The following CHST9 variants were observed in gnomAD, a reference collection of about 807,000 sequenced individuals.
The protein encoded by CHST9 is GalNAc-4-sulfotransferase 2.
Under a neutral mutation model 44.4 loss-of-function variants are expected in CHST9, and 41 were observed. The observed-to-expected ratio is 0.92, with a 90% CI of 0.72 to 1.20. CHST9 has a LOEUF of 1.20. CHST9 is among the 50% of genes most tolerant of loss of function. The pLI, the probability that CHST9 is intolerant of heterozygous loss-of-function variation, is 0.00. For missense variants in CHST9, 504 were observed against 516.5 expected (o/e 0.98, Z 0.23); for synonymous variants, 171 against 178.4 (o/e 0.96, Z 0.33).
At chr18:27,135,781 G>A (rs906560888) in intron 2 of CHST9, among the ~76,000 whole-genome samples, 38 of 151,970 alleles carry the variant, frequency 2.5e-4, no homozygotes, top group African/African-American at 8.2e-4. Flanking sequence ...AGCAGCTGGT[G>A]AGAACCACTG....
At chr18:27,098,424 C>T (rs1371066935) in intron 2 of CHST9, among the ~76,000 whole-genome samples, 1 of 152,034 alleles carries the variant, frequency 6.6e-6, no homozygotes, top group African/African-American at 2.4e-5. Flanking sequence ...ACCAGAAATT[C>T]CATTTGACCC....
chr18:26,957,099 C>T (rs139485157), intron 4 of CHST9, among the ~76,000 whole-genome samples: 8 of 152,120 alleles, frequency 5.3e-5, no homozygotes, highest in Non-Finnish European at 7.3e-5. Flanking sequence ...CTGTATTTAT[C>T]GAGCGATGCC....
intron 3 of CHST9, among the ~76,000 whole-genome samples, chr18:27,041,953 C>T (rs1331709687): frequency 1.3e-5 from 2 of 151,922 alleles, no homozygotes; most frequent in Non-Finnish European, 2.9e-5. Context: ...AACCATAAAC[C>T]CAGAGAAAAT....
In CHST9 at chr18:27,025,050, TTA is replaced by T. The variant is rs138381029; in HGVS notation, c.161-895_161-894del. ...GGTTCCATTTCTTTCCTTTAAAACA[TTA>T]TATATATATATGTATATATATAATA... On this transcript the variant is annotated intron_variant, in intron 3 of 5. Coordinates refer to ENST00000618847, the MANE Select transcript of CHST9 (RefSeq NM_031422.6). Among the ~76,000 whole-genome samples, 1,348 of 147,382 alleles carry T rather than the reference TTA, an allele frequency of 9.1e-3. 88 individuals are homozygous for T. The highest frequency in any genetic ancestry group is 0.083 in the Admixed American group (1,212 of 14,626).
intron 2 of CHST9, among the ~76,000 whole-genome samples, chr18:27,070,901 C>A (rs1422994519): frequency 1.3e-5 from 2 of 152,096 alleles, no homozygotes; most frequent in South Asian, 2.1e-4. Context: ...ATTGATGAAC[C>A]TTTGGAGGAT....
At position 27,024,603 on chromosome 18, in the gene CHST9, T is replaced by C. The variant is rs559565606; in HGVS notation, c.161-446A>G. On this transcript the variant is annotated intron_variant, in intron 3 of 5. Transcript: ENST00000618847. Reference sequence around the variant, plus strand: ...AATTGAGTACTTGGGCTCGATGTCTTTGGGTGAAATTGAGATAGAGATGCC... The same window carrying C: ...AATTGAGTACTTGGGCTCGATGTCTCTGGGTGAAATTGAGATAGAGATGCC... 6.6e-5 allele frequency among the ~76,000 whole-genome samples: 10 copies of C among 152,342 alleles called. No homozygotes were observed. The South Asian group carries it at 1.9e-3, about 28-fold the overall frequency.
chr18:27,073,809 G>A (rs931433279), intron 2 of CHST9, among the ~76,000 whole-genome samples: 1 of 151,928 alleles, frequency 6.6e-6, no homozygotes, highest in Non-Finnish European at 1.5e-5. Flanking sequence ...TACTTTTTGT[G>A]ACTATTTATA....
At chr18:26,981,257 T>A (rs1486320179) in intron 4 of CHST9, among the ~76,000 whole-genome samples, 1 of 152,152 alleles carries the variant, frequency 6.6e-6, no homozygotes, top group Non-Finnish European at 1.5e-5. Flanking sequence ...TAAATATGCA[T>A]AACCAGACAA....
At chr18:27,107,793 C>T (rs556813536) in intron 2 of CHST9, among the ~76,000 whole-genome samples, 1 of 152,234 alleles carries the variant, frequency 6.6e-6, no homozygotes, top group South Asian at 2.1e-4. Context: ...ATCTCCAGAA[C>T]TTTAATCTAA....
At chr18:27,038,250 G>T (rs933728875) in intron 3 of CHST9, among the ~76,000 whole-genome samples, 3 of 152,062 alleles carry the variant, frequency 2.0e-5, no homozygotes, top group Non-Finnish European at 4.4e-5. Context: ...GTTAAATAAA[G>T]AAGATAACTT....
At chr18:26,978,309 C>T (rs2056650379) in intron 4 of CHST9, among the ~76,000 whole-genome samples, 1 of 151,286 alleles carries the variant, frequency 6.6e-6, no homozygotes, top group South Asian at 2.1e-4. Context: ...GTGTGCTGCT[C>T]TTCAGAGTAG....
chr18:26,978,585 T>C (rs988302260), intron 4 of CHST9, among the ~76,000 whole-genome samples: 2 of 151,990 alleles, frequency 1.3e-5, no homozygotes, highest in Non-Finnish European at 2.9e-5. Flanking sequence ...ATCATGTGAG[T>C]TTTGTGATGC....
chr18:26,997,028 G>A (rs2056895039), intron 4 of CHST9, among the ~76,000 whole-genome samples: 1 of 152,186 alleles, frequency 6.6e-6, no homozygotes, highest in South Asian at 2.1e-4. Context: ...CATAGCATGG[G>A]TCTGGAATTC....
chr18:27,106,271 G>A (rs2058220483), intron 2 of CHST9, among the ~76,000 whole-genome samples: 1 of 152,046 alleles, frequency 6.6e-6, no homozygotes, highest in African/African-American at 2.4e-5. Flanking sequence ...CATGCTGTGT[G>A]GGACTAATTC....
At chr18:27,184,108 G>A (rs1024589940) in intron 1 of CHST9, among the ~76,000 whole-genome samples, 1 of 152,164 alleles carries the variant, frequency 6.6e-6, no homozygotes, top group African/African-American at 2.4e-5. Flanking sequence ...GAAAAACTGC[G>A]AAAAGGGAGT....
At chr18:26,962,420 A>C (rs1423182308) in intron 4 of CHST9, among the ~76,000 whole-genome samples, 5 of 151,360 alleles carry the variant, frequency 3.3e-5, no homozygotes, top group Non-Finnish European at 4.4e-5. Context: ...CCTCCTAAGT[A>C]ACTAGGACTA....
chr18:26,946,123 G>T (rs1349548697), intron 4 of CHST9, among the ~76,000 whole-genome samples: 1 of 152,124 alleles, frequency 6.6e-6, no homozygotes, highest in Non-Finnish European at 1.5e-5. Context: ...ATCTCAATCA[G>T]ATACTCTTGA....
At chr18:27,035,770 T>A (rs2057384680) in intron 3 of CHST9, among the ~76,000 whole-genome samples, 1 of 152,132 alleles carries the variant, frequency 6.6e-6, no homozygotes, top group South Asian at 2.1e-4. Context: ...GATATAATTA[T>A]GCAAGATGAA....
At chr18:27,142,966 G>A in intron 1 of CHST9, 61 bp from the exon 2 acceptor site, 3 of 612,590 alleles carry the variant, frequency 4.9e-6, no homozygotes, top group Non-Finnish European at 8.0e-6. Context: ...CTCAAATACG[G>A]CATAAATATT....
Sources: gnomAD v4.1 joint callset for allele counts (sites outside exome capture counted in the v4.1 genomes callset) on GRCh38, gnomAD v4.1.1 for gene constraint, MANE v1.5 for transcripts, NCBI Gene and HGNC (gene_info 2026-07-23, HGNC 2026-07-21) for gene names.